Variants in SDK1 observed in about 807,000 individuals in gnomAD.
SDK1 encodes sidekick cell adhesion molecule 1, also known as protein sidekick-1.
A neutral mutation model predicts 245.5 loss-of-function variants in SDK1; 157 were observed. That is an observed-to-expected ratio of 0.64 (90% CI 0.56 to 0.73). The LOEUF (loss-of-function observed/expected upper bound fraction) is 0.73, where lower values mean the gene tolerates loss of function less well. SDK1 is among the 30% of genes least tolerant of loss of function. The pLI is 0.00. For synonymous variants in SDK1, 1,647 were observed against 1,278.5 expected, an observed-to-expected ratio of 1.29 and a Z score of -6.15; for missense variants, 3,583 against 3,002.3, an observed-to-expected ratio of 1.19 and a Z score of -4.52.
chr7:4,007,795 G>A (rs1453071199), intron 14 of SDK1, among the ~76,000 whole-genome samples: 2 of 151,920 alleles, frequency 1.3e-5, no homozygotes, highest in Non-Finnish European at 2.9e-5. Flanking sequence ...TAGTAGAGGC[G>A]GGGTTTCACC....
chr7:4,126,617 A>G (rs1001550149), intron 25 of SDK1, among the ~76,000 whole-genome samples: 1 of 152,214 alleles, frequency 6.6e-6, no homozygotes, highest in African/African-American at 2.4e-5. Flanking sequence ...GCTACTTGGG[A>G]GGCTGAGACA....
At chr7:3,648,493 G>A (rs1003521912) in intron 4 of SDK1, among the ~76,000 whole-genome samples, 6 of 152,184 alleles carry the variant, frequency 3.9e-5, no homozygotes, top group Admixed American at 1.3e-4. Context: ...TGTGAAGTAT[G>A]GGCAGTAAAC....
chr7:4,225,638 G>T (rs1175485776), intron 40 of SDK1, among the ~76,000 whole-genome samples: 1 of 152,204 alleles, frequency 6.6e-6, no homozygotes, highest in Non-Finnish European at 1.5e-5. Flanking sequence ...AGCCTGGCAG[G>T]CCGTGCGGAT....
rs1307163281 is a variant in SDK1, at chr7:4,120,590, T to C, written c.3823+6316T>C. Among the ~76,000 whole-genome samples the C allele has an allele frequency of 1.3e-5, 2 of 148,872 alleles. 1 individual carries two copies. The highest frequency in any genetic ancestry group is 3.0e-5 in the Non-Finnish European group (2 of 66,716). On this transcript the variant is annotated intron_variant, in intron 25 of 44. Coordinates refer to ENST00000404826, the MANE Select transcript of SDK1 (RefSeq NM_152744.4). ...AAAAATGAAGACAATTTAATCAAAA[T>C]AGATATATTGTTTTGATAATTTTTC...
chr7:3,804,190 CTGA>C, intron 4 of SDK1, among the ~76,000 whole-genome samples: 1 of 152,180 alleles, frequency 6.6e-6, no homozygotes, highest in East Asian at 1.9e-4. Flanking sequence ...TGCAATTTCT[CTGA>C]TATCTTCTCC....
chr7:4,138,780 A>G (rs1779264959), intron 28 of SDK1, among the ~76,000 whole-genome samples: 1 of 151,838 alleles, frequency 6.6e-6, no homozygotes, highest in Non-Finnish European at 1.5e-5. Context: ...AGAAAGAAGA[A>G]GGAAGGAGGG....
At chr7:3,744,736 C>G (rs1002799643) in intron 4 of SDK1, among the ~76,000 whole-genome samples, 2 of 151,658 alleles carry the variant, frequency 1.3e-5, no homozygotes, top group Admixed American at 6.6e-5. Flanking sequence ...GGCGTGAACC[C>G]GGGAGGTGGA....
At chr7:3,611,836 G>T (rs549158388) in intron 1 of SDK1, among the ~76,000 whole-genome samples, 1 of 152,222 alleles carries the variant, frequency 6.6e-6, no homozygotes, top group South Asian at 2.1e-4. Flanking sequence ...ATAGATGATT[G>T]TGGTGATGGG....
chr7:3,987,399 C>A, intron 14 of SDK1, 77 bp downstream of exon 14: 2 of 1,486,410 alleles, frequency 1.3e-6, no homozygotes, highest in South Asian at 1.2e-5. Context: ...TTAACCTTTA[C>A]TTCTGGGTCA....
chr7:3,975,939 C>T (rs1380569872), intron 13 of SDK1, among the ~76,000 whole-genome samples: 22 of 140,626 alleles, frequency 1.6e-4, no homozygotes, highest in African/African-American at 3.4e-4. Flanking sequence ...CTGAGGGTCC[C>T]GGGGCTGAGG....
chr7:4,076,781 G>T (rs1022943509), intron 20 of SDK1, among the ~76,000 whole-genome samples: 2 of 152,096 alleles, frequency 1.3e-5, no homozygotes, highest in African/African-American at 4.8e-5. Context: ...TGGTGGGACC[G>T]TCACTCCCAT....
intron 40 of SDK1, among the ~76,000 whole-genome samples, chr7:4,223,479 C>T (rs1785251929): frequency 6.6e-6 from 1 of 152,204 alleles, no homozygotes; most frequent in Non-Finnish European, 1.5e-5. Context: ...TTCCTGTAAC[C>T]TCTCCCCCAC....
chr7:3,721,854 C>G (rs949381711), intron 4 of SDK1, among the ~76,000 whole-genome samples: 1 of 152,172 alleles, frequency 6.6e-6, no homozygotes, highest in Non-Finnish European at 1.5e-5. Context: ...CATGAACTGT[C>G]GGCCATCCTT....
intron 1 of SDK1, among the ~76,000 whole-genome samples, chr7:3,328,892 A>C (rs896910240): frequency 1.3e-5 from 2 of 152,128 alleles, no homozygotes; most frequent in Non-Finnish European, 2.9e-5. Context: ...GCAGTGAACA[A>C]CTTTGTGCAG....
At chr7:3,900,949 A>T (rs79618476) in intron 5 of SDK1, among the ~76,000 whole-genome samples, 1 of 138,646 alleles carries the variant, frequency 7.2e-6, no homozygotes, top group Non-Finnish European at 1.6e-5. Context: ...TAATTGTAGC[A>T]AAAAAAAAGA....
intron 19 of SDK1, among the ~76,000 whole-genome samples, chr7:4,054,246 A>C (rs769667105): frequency 3.3e-4 from 50 of 152,244 alleles, no homozygotes; most frequent in Middle Eastern, 6.8e-3. Context: ...CACCAAGGTT[A>C]ACTGAAATTT....
Position 3,548,363 on chromosome 7 carries a change from A to G in SDK1, c.299-70717A>G, listed in dbSNP as rs545889168. Among the ~76,000 whole-genome samples the G allele has an allele frequency of 8.9e-4, 136 of 152,338 alleles. No homozygotes were observed. In the Middle Eastern group the frequency reaches 0.024, roughly 27 times the overall value. On this transcript the variant is annotated intron_variant, in intron 1 of 44. Transcript: ENST00000404826. ...GTTCTAAATGTTCTAAAAATACACA[A>G]GTAATAGAGGTAGGTCTTAAACCTG...
chr7:4,213,540 G>A (rs1784616763), intron 38 of SDK1, among the ~76,000 whole-genome samples: 2 of 151,566 alleles, frequency 1.3e-5, no homozygotes, highest in Admixed American at 1.3e-4. Context: ...AGCTGAGATC[G>A]CACCACTGCA....
intron 17 of SDK1, among the ~76,000 whole-genome samples, chr7:4,046,128 G>T (rs1045166313): frequency 1.3e-5 from 2 of 151,410 alleles, no homozygotes; most frequent in Non-Finnish European, 2.9e-5. Context: ...TCTTTGTAGC[G>T]GTGGGGTCTC....
Sources: gnomAD v4.1 joint callset for allele counts (sites outside exome capture counted in the v4.1 genomes callset) on GRCh38, gnomAD v4.1.1 for gene constraint, MANE v1.5 for transcripts, NCBI Gene and HGNC (gene_info 2026-07-23, HGNC 2026-07-21) for gene names.